The following HSD17B4 variants were observed in gnomAD, a reference collection of about 807,000 sequenced individuals.
HSD17B4 encodes the protein peroxisomal multifunctional enzyme type 2.
In HSD17B4, 70 loss-of-function variants were observed where a neutral mutation model predicts 101.0. The ratio of observed to expected loss-of-function variants is 0.69; its 90% CI spans 0.57 to 0.85. HSD17B4 has a LOEUF of 0.85. HSD17B4 is among the 40% of genes least tolerant of loss of function. The probability of loss-of-function intolerance (pLI) is 0.00; values close to 1 mark genes in which losing one functional copy is unlikely to be tolerated. For missense variants in HSD17B4, 984 were observed against 892.4 expected (o/e 1.10, Z -1.31); for synonymous variants, 347 against 297.1 (o/e 1.17, Z -1.73).
chr5:119,471,918 A>G (rs777036538), intron 2 of HSD17B4, among the ~76,000 whole-genome samples: 37 of 152,190 alleles, frequency 2.4e-4, no homozygotes, highest in Non-Finnish European at 5.0e-4. Flanking sequence ...AATAGATTAT[A>G]AACTCTTTGA....
chr5:119,506,061 C>T lies in HSD17B4; in HGVS notation c.1262-757C>T, dbSNP rs571083921. 3.3e-5 allele frequency among the ~76,000 whole-genome samples: 5 copies of T among 152,196 alleles called. No homozygotes were observed. The South Asian group carries it at 8.3e-4, about 25-fold the overall frequency. On this transcript the variant is annotated intron_variant, in intron 14 of 23. Transcript: ENST00000510025. Reference sequence around the variant, plus strand: ...CTTTAAGTTCTGGGGTACATGTGCACAATGTGCAGTTTTGTTACATAGGTA... The same window carrying T: ...CTTTAAGTTCTGGGGTACATGTGCATAATGTGCAGTTTTGTTACATAGGTA...
At chr5:119,539,384 A>G (rs1754791385) in intron 23 of HSD17B4, among the ~76,000 whole-genome samples, 1 of 139,852 alleles carries the variant, frequency 7.2e-6, no homozygotes, top group Non-Finnish European at 1.5e-5. Context: ...TTGAACAATG[A>G]GAACACCTGG....
At position 119,509,185 on chromosome 5, in the gene HSD17B4, T is replaced by A. The variant is rs1326398916; in HGVS notation, c.1378T>A (p.Ser460Thr). The A allele has an allele frequency of 2.1e-5, 34 of 1,609,086 alleles. No homozygotes were observed. Among genetic ancestry groups the A allele is most frequent in the Non-Finnish European group, 2.8e-5 (33 of 1,175,562 alleles). The change falls in exon 16 of 24, where the codon TCT (serine) becomes ACT (threonine). Residue 460 changes from serine to threonine, a missense_variant. Physicochemically the swap from Ser to Thr is moderately conservative, Grantham distance 58. Coordinates refer to ENST00000510025, the MANE Select transcript of HSD17B4 (RefSeq NM_000414.4). ...EKELICHNQF[S>T]LFLVGSGGFG... Reference sequence around the variant, plus strand: ...GGAACTTATATGCCACAATCAGTTCTCTCTCTTTCTTGTTGGCTCTGGAGG... The same window carrying A: ...GGAACTTATATGCCACAATCAGTTCACTCTCTTTCTTGTTGGCTCTGGAGG...
rs1461413550 is a variant in HSD17B4, at chr5:119,509,167, A to C, written c.1360A>C (p.Ile454Leu). 2 of 1,599,058 alleles carry C rather than the reference A, an allele frequency of 1.3e-6. No homozygotes were observed. Among genetic ancestry groups the C allele is most frequent in the South Asian group, 2.2e-5 (2 of 90,754 alleles). The change falls in exon 16 of 24, where the codon ATA becomes CTA. Residue 454 changes from isoleucine (I) to leucine (L), a missense_variant. Coordinates refer to ENST00000510025, the MANE Select transcript of HSD17B4 (RefSeq NM_000414.4). The part of the protein sequence containing the change: ...DVYSYSEKEL[I>L]CHNQFSLFLV... ...CTATTCTTATTCTGAGAAGGAACTT[A>C]TATGCCACAATCAGTTCTCTCTCTT...
At chr5:119,526,516 T>C (rs2126878453) in intron 19 of HSD17B4, among the ~76,000 whole-genome samples, 1 of 152,064 alleles carries the variant, frequency 6.6e-6, no homozygotes, top group South Asian at 2.1e-4. Context: ...CATATTATTT[T>C]TGTGTATGTT....
rs947799344 is a variant in HSD17B4, at chr5:119,476,371, T to A, written c.349+501T>A. 1.9e-5 allele frequency: 3 copies of A among 160,072 alleles called. No homozygotes were observed. In the Admixed American group the frequency reaches 1.9e-4, roughly 10 times the overall value. 9.9% of individuals were successfully genotyped at this position (160,072 alleles called of 1,614,324 possible). A position where few individuals can be genotyped will look rare whatever the true frequency, so the allele number is the denominator to read the frequency against. Reference sequence around the variant, plus strand: ...TTCTTTCTGAATTGGAAAGATTGAGTTTAGATAATGAACAAATCACAGTTA... The same window carrying A: ...TTCTTTCTGAATTGGAAAGATTGAGATTAGATAATGAACAAATCACAGTTA... On this transcript the variant is annotated intron_variant, in intron 6 of 23. Coordinates refer to ENST00000510025, the MANE Select transcript of HSD17B4 (RefSeq NM_000414.4).
intron 1 of HSD17B4, among the ~76,000 whole-genome samples, chr5:119,454,031 G>A (rs548076090): frequency 2.1e-4 from 32 of 152,200 alleles, no homozygotes; most frequent in African/African-American, 7.7e-4. Flanking sequence ...GACACCATTA[G>A]CATACTTACA....
intron 2 of HSD17B4, among the ~76,000 whole-genome samples, chr5:119,465,472 C>T (rs998460747): frequency 1.3e-5 from 2 of 152,178 alleles, no homozygotes; most frequent in African/African-American, 4.8e-5. Flanking sequence ...TCCCCCTTTG[C>T]CTTTTGCCAT....
Position 119,452,571 on chromosome 5 carries a change from T to A in HSD17B4, c.-5T>A, listed in dbSNP as rs1754150901. The A allele has an allele frequency of 2.5e-6, 4 of 1,613,974 alleles. No homozygotes were observed. ...TTCGTGTGTGTGTCGTTGCAGGCCT[T>A]ATTCATGGGCTCACCGCTGAGGTTC... On this transcript the variant is annotated 5_prime_UTR_variant, in exon 1 of 24. Coordinates refer to ENST00000510025, the MANE Select transcript of HSD17B4 (RefSeq NM_000414.4).
chr5:119,523,640 CTG>C (rs1164289658), intron 17 of HSD17B4, among the ~76,000 whole-genome samples: 3 of 152,084 alleles, frequency 2.0e-5, no homozygotes, highest in African/African-American at 7.2e-5. Context: ...CTTCAGAACA[CTG>C]TATTCATTTA....
chr5:119,503,088 G>GTC (rs1239565450), intron 14 of HSD17B4, among the ~76,000 whole-genome samples: 1 of 151,134 alleles, frequency 6.6e-6, no homozygotes, highest in Non-Finnish European at 1.5e-5. Flanking sequence ...GTGTGTGTGT[G>GTC]TGTGTGTGTG....
chr5:119,512,409 A>G (rs1289245736), intron 16 of HSD17B4, among the ~76,000 whole-genome samples: 1 of 152,160 alleles, frequency 6.6e-6, no homozygotes, highest in Non-Finnish European at 1.5e-5. Context: ...AAAAGTGTTG[A>G]AAGCCAGAAA....
At chr5:119,510,856 T>C (rs988759157) in intron 16 of HSD17B4, among the ~76,000 whole-genome samples, 1 of 152,102 alleles carries the variant, frequency 6.6e-6, no homozygotes, top group Non-Finnish European at 1.5e-5. Flanking sequence ...ACTATTAACT[T>C]TTCTTATCCT....
At position 119,454,261 on chromosome 5, in the gene HSD17B4, T is replaced by C. The variant is rs144762906; in HGVS notation, c.58+1628T>C. Among the ~76,000 whole-genome samples, 10 of 152,326 alleles carry C rather than the reference T, an allele frequency of 6.6e-5. No homozygotes were observed. The East Asian group carries it at 1.7e-3, about 26-fold the overall frequency. On this transcript the variant is annotated intron_variant, in intron 1 of 23. Coordinates refer to ENST00000510025, the MANE Select transcript of HSD17B4 (RefSeq NM_000414.4). ...ACAGTTATGAACTTAGCACCTGCTGTTCATAAACTGGTTAAATTCTCTCTT... is the reference window on the plus strand; with the variant it reads ...ACAGTTATGAACTTAGCACCTGCTGCTCATAAACTGGTTAAATTCTCTCTT...
chr5:119,539,721 C>T (rs2126926613), intron 23 of HSD17B4, among the ~76,000 whole-genome samples: 1 of 152,052 alleles, frequency 6.6e-6, no homozygotes, highest in South Asian at 2.1e-4. Context: ...ATTTTTGCCT[C>T]ATATTTTCAA....
At chr5:119,484,591 A>G (rs1430780741) in intron 8 of HSD17B4, among the ~76,000 whole-genome samples, 1 of 152,208 alleles carries the variant, frequency 6.6e-6, no homozygotes, top group Non-Finnish European at 1.5e-5. Context: ...AAGAAAATCT[A>G]CATAATACTT....
At chr5:119,461,912 C>T (rs751499208) in intron 2 of HSD17B4, among the ~76,000 whole-genome samples, 5 of 152,006 alleles carry the variant, frequency 3.3e-5, no homozygotes, top group Non-Finnish European at 5.9e-5. Context: ...TCCCAATATT[C>T]GTACATTCCC....
At chr5:119,491,960 TAC>T (rs1195427211) in intron 9 of HSD17B4, 138 bp from the exon 10 acceptor site, 1 of 766,332 alleles carries the variant, frequency 1.3e-6, no homozygotes, top group Non-Finnish European at 2.4e-6. Flanking sequence ...AGTGGACTCT[TAC>T]AGAGCTGTAT....
chr5:119,512,913 T>C (rs761360064), intron 16 of HSD17B4, among the ~76,000 whole-genome samples: 3 of 152,224 alleles, frequency 2.0e-5, no homozygotes, highest in Non-Finnish European at 2.9e-5. Context: ...CTGGTGATGG[T>C]TGGACAACTC....
Sources: gnomAD v4.1 joint callset for allele counts (sites outside exome capture counted in the v4.1 genomes callset) on GRCh38, gnomAD v4.1.1 for gene constraint, MANE v1.5 for transcripts, NCBI Gene and HGNC (gene_info 2026-07-23, HGNC 2026-07-21) for gene names.